The following SPART variants were observed in gnomAD, a reference collection of about 807,000 sequenced individuals.
SPART encodes spartin.
SPART carries 35 observed loss-of-function variants against 58.7 expected under a neutral mutation model. The ratio of observed to expected loss-of-function variants is 0.60; its 90% CI spans 0.46 to 0.79. The LOEUF (loss-of-function observed/expected upper bound fraction) is 0.79. Among genes scored for constraint, SPART ranks in the 30% least tolerant of loss-of-function variants. SPART has a pLI of 0.00. For synonymous variants in SPART, 284 were observed against 280.7 expected (o/e 1.01, Z -0.12); for missense variants, 730 against 786.1 (o/e 0.93, Z 0.85).
intron 1 of SPART, among the ~76,000 whole-genome samples, chr13:36,367,098 G>A (rs778078671): frequency 6.6e-6 from 1 of 152,168 alleles, no homozygotes; most frequent in Non-Finnish European, 1.5e-5. Context: ...CCACAGCAGG[G>A]AGCGTTGTAG....
chr13:36,330,721 T>C (rs768824347), intron 3 of SPART, among the ~76,000 whole-genome samples: 1 of 152,328 alleles, frequency 6.6e-6, no homozygotes, highest in Middle Eastern at 3.4e-3. Context: ...AAATACTCTA[T>C]TTCTACAGGT....
upstream of SPART, among the ~76,000 whole-genome samples, chr13:36,347,693 C>CT (rs1161359236): frequency 2.6e-5 from 4 of 152,206 alleles, no homozygotes; most frequent in African/African-American, 9.6e-5. Flanking sequence ...TCCCCAAAGA[C>CT]TATGACTGTA....
At chr13:36,336,616 A>G (rs1184856094) in intron 1 of SPART, among the ~76,000 whole-genome samples, 3 of 152,152 alleles carry the variant, frequency 2.0e-5, no homozygotes. Context: ...ATGATACAAC[A>G]TTTTGGAAAA....
chr13:36,345,881 G>A (rs1593282923), intron 1 of SPART, among the ~76,000 whole-genome samples: 1 of 152,070 alleles, frequency 6.6e-6, no homozygotes, highest in South Asian at 2.1e-4. Context: ...GGGTTGGGGC[G>A]GCGAGAATGA....
rs774335616 is a variant in SPART, at chr13:36,314,396, T to C, written c.1314A>G (p.Leu438=). The C allele has an allele frequency of 1.2e-6, 2 of 1,614,134 alleles. No individual in the cohort carries two copies. The highest frequency in any genetic ancestry group is 1.7e-6 in the Non-Finnish European group (2 of 1,180,014). The change falls in exon 6 of 9, where the codon TTA becomes TTG. Residue 438 remains leucine, a synonymous_variant. Coordinates refer to ENST00000438666, the MANE Select transcript of SPART (RefSeq NM_015087.5). ...LSGASWVSWG[L]VKGAEITGKA... is the part of the protein sequence containing the mutation. The stretch of plus-strand genomic sequence containing the variant: ...TACCAGTAATCTCAGCACCTTTGAC[T>C]AAACCCCAACTCACCCAGGAAGCAC...
Position 36,329,615 on chromosome 13 carries a change from G to C in SPART, c.1009-98C>G, listed in dbSNP as rs960700751. 4 of 1,297,714 alleles carry C rather than the reference G, an allele frequency of 3.1e-6. No homozygotes were observed. In the African/African-American group the frequency reaches 5.9e-5, roughly 19 times the overall value. The allele number at this position is 1,297,714 out of a possible 1,614,324, so 80.4% of individuals were successfully genotyped here. ...CCATGCTCAAATGACATACTTGTTT[G>C]AATGTCAGTTTGGCAGTCTATCAGT... On this transcript the variant is annotated intron_variant, in intron 3 of 8. Transcript: ENST00000438666.
intron 8 of SPART, 86 bp downstream of exon 8, chr13:36,312,059 C>A: frequency 1.5e-6 from 2 of 1,311,690 alleles, no homozygotes; most frequent in Non-Finnish European, 2.2e-6. Flanking sequence ...TGCACTCCAG[C>A]TTGGGCAACA....
At chr13:36,314,039 G>A (rs1881409113) in intron 6 of SPART, 188 bp downstream of exon 6, 1 of 616,210 alleles carries the variant, frequency 1.6e-6, no homozygotes, top group African/African-American at 1.8e-5. Context: ...CATTTCTAAG[G>A]ATTCCAGATA....
chr13:36,333,543 T>C (rs1423220615), intron 2 of SPART, among the ~76,000 whole-genome samples: 14 of 151,638 alleles, frequency 9.2e-5, no homozygotes. Flanking sequence ...TTAAAGAGAC[T>C]CAAATTAAAT....
At chr13:36,330,780 A>G (rs747029787) in intron 3 of SPART, among the ~76,000 whole-genome samples, 3 of 152,200 alleles carry the variant, frequency 2.0e-5, no homozygotes, top group Non-Finnish European at 2.9e-5. Context: ...TTCCAGGATG[A>G]TCATATTTTA....
upstream of SPART, among the ~76,000 whole-genome samples, chr13:36,347,148 A>G (rs1011648473): frequency 4.2e-4 from 36 of 85,684 alleles, no homozygotes; most frequent in African/African-American, 9.0e-4. Context: ...TGCCTTAGGG[A>G]AAAAAAAACA....
intron 8 of SPART, among the ~76,000 whole-genome samples, chr13:36,307,815 A>G (rs990797289): frequency 1.3e-5 from 2 of 152,148 alleles, no homozygotes; most frequent in Non-Finnish European, 2.9e-5. Flanking sequence ...AATCTTAATG[A>G]ATATTTTTTA....
At chr13:36,314,154 G>A in intron 6 of SPART, 73 bp downstream of exon 6, 1 of 1,390,928 alleles carries the variant, frequency 7.2e-7, no homozygotes, top group Middle Eastern at 1.8e-4. Context: ...AAATGAACAT[G>A]CAGATTAACC....
chr13:36,306,191 T>A (rs1445270812), intron 8 of SPART, among the ~76,000 whole-genome samples: 1 of 152,136 alleles, frequency 6.6e-6, no homozygotes, highest in Non-Finnish European at 1.5e-5. Flanking sequence ...CAGAAAAACT[T>A]CCTACAACTG....
upstream of SPART, among the ~76,000 whole-genome samples, chr13:36,349,469 T>G (rs1386475673): frequency 1.3e-5 from 2 of 152,188 alleles, no homozygotes; most frequent in Non-Finnish European, 2.9e-5. Context: ...CATATTGCTT[T>G]CTGTTTGGGT....
At chr13:36,317,428 C>T (rs1015892894) in intron 5 of SPART, among the ~76,000 whole-genome samples, 1 of 151,874 alleles carries the variant, frequency 6.6e-6, no homozygotes, top group South Asian at 2.1e-4. Context: ...CGTGCCCCAA[C>T]CTCTTATATC....
rs1429553810 is a variant in SPART, at chr13:36,304,276, G to C, written c.*89C>G. On this transcript the variant is annotated 3_prime_UTR_variant, in exon 9 of 9. Coordinates refer to ENST00000438666, the MANE Select transcript of SPART (RefSeq NM_015087.5). Reference sequence around the variant, plus strand: ...GAATGAATACATTTAAAAAATACTGGTTAATCTGTGAGGAATTCCACATTT... The same window carrying C: ...GAATGAATACATTTAAAAAATACTGCTTAATCTGTGAGGAATTCCACATTT... 2.0e-6 allele frequency: 3 copies of C among 1,465,192 alleles called. No homozygotes were observed. Among genetic ancestry groups the C allele is most frequent in the Non-Finnish European group, 2.9e-6 (3 of 1,049,096 alleles). 90.8% of individuals were successfully genotyped at this position (1,465,192 alleles called of 1,614,324 possible).
intron 1 of SPART, among the ~76,000 whole-genome samples, chr13:36,344,027 T>C (rs61950272): frequency 0.023 from 3,322 of 145,068 alleles, 57 homozygotes; most frequent in Non-Finnish European, 0.035. Flanking sequence ...AGCAAGACCT[T>C]GTCTCTTTAA....
intron 1 of SPART, among the ~76,000 whole-genome samples, chr13:36,336,074 G>A (rs1320171431): frequency 6.6e-6 from 1 of 152,108 alleles, no homozygotes; most frequent in Non-Finnish European, 1.5e-5. Context: ...AAAAACATAA[G>A]AGAATAAATC....
Sources: allele counts gnomAD v4.1 joint callset (sites outside exome capture counted in the v4.1 genomes callset), GRCh38; gene constraint gnomAD v4.1.1; transcripts MANE v1.5; gene names NCBI Gene and HGNC (gene_info 2026-07-23, HGNC 2026-07-21).